The following PLCB2 variants were observed in gnomAD, a reference collection of about 807,000 sequenced individuals.
PLCB2 encodes the protein 1-phosphatidylinositol 4,5-bisphosphate phosphodiesterase beta-2.
In PLCB2, 115 loss-of-function variants were observed where a neutral mutation model predicts 141.7. That is an observed-to-expected ratio of 0.81 (90% confidence interval 0.70 to 0.95). The LOEUF is 0.95. Among genes scored for constraint, PLCB2 ranks in the 40% least tolerant of loss-of-function variants. The pLI is 0.00. For missense variants in PLCB2, 1,403 were observed against 1,541.1 expected (o/e 0.91, Z 1.50); for synonymous variants, 603 against 595.6 (o/e 1.01, Z -0.18).
At chr15:40,284,756 C>T (rs371044743), downstream of PLCB2, among the ~76,000 whole-genome samples, 1 of 133,860 alleles carries the variant, frequency 7.5e-6, no homozygotes, top group Non-Finnish European at 1.5e-5. Flanking sequence ...AGGAGAATTG[C>T]TTGAACCTGG....
rs2039804383 is a variant in PLCB2 at position 40,290,067 on chromosome 15, A to C, written c.3225T>G (p.Ile1075Met). Residue 1075 changes from isoleucine to methionine, a missense_variant, in exon 30 of 32, where the codon ATT becomes ATG. Ile to Met is a conservative substitution (Grantham distance 10, BLOSUM62 1). Transcript: ENST00000260402. ...CTACTTCCTGGATGTGGGAGTTGTT[A>C]ATCTCTCTCTTCAACCTGTTGGTGT... is the stretch of plus-strand genomic sequence containing the variant. The part of the protein sequence containing the change: ...KMAQERLKRE[I>M]NNSHIQEVVQ... 6.2e-7 allele frequency: 1 copy of C among 1,609,432 alleles called. No homozygotes were observed. The highest frequency in any genetic ancestry group is 1.3e-5 in the African/African-American group (1 of 74,558).
intron 7 of PLCB2, 90 bp downstream of exon 7, chr15:40,301,867 C>T: frequency 8.7e-7 from 1 of 1,152,446 alleles, no homozygotes; most frequent in Non-Finnish European, 1.3e-6. Context: ...GTGATGTCAC[C>T]TCTGCTCCCC....
chr15:40,291,715 C>T, intron 24 of PLCB2, 65 bp from the exon 25 acceptor site: 2 of 1,605,100 alleles, frequency 1.2e-6, no homozygotes, highest in Non-Finnish European at 1.7e-6. Flanking sequence ...TTCGCCTCCT[C>T]CACACCGCCC....
At chr15:40,286,095 A>C, downstream of PLCB2, 1 of 957,812 alleles carries the variant, frequency 1.0e-6, no homozygotes, top group South Asian at 4.8e-5. Flanking sequence ...AAGAAACAGC[A>C]AAGCTGAAAA....
At chr15:40,293,095 C>G (rs1205436854) in intron 20 of PLCB2, 70 bp from the exon 21 acceptor site, 2 of 916,728 alleles carry the variant, frequency 2.2e-6, no homozygotes, top group Non-Finnish European at 3.4e-6. Flanking sequence ...TCCCTGGCTC[C>G]AGAAGTCTCA....
chr15:40,301,234 C>G, intron 7 of PLCB2: 1 of 287,840 alleles, frequency 3.5e-6, no homozygotes, highest in South Asian at 6.0e-5. Context: ...TATAACGTTC[C>G]AAATTCTTAC....
intron 31 of PLCB2, 153 bp downstream of exon 31, chr15:40,289,119 G>C (rs2141023619): frequency 2.0e-6 from 2 of 1,001,254 alleles, no homozygotes; most frequent in South Asian, 3.2e-5. Flanking sequence ...GAGATCTGCA[G>C]AGCTGCCTCA....
At position 40,298,713 on chromosome 15, in the gene PLCB2, G is replaced by A; in HGVS notation, c.851-5C>T. ...TGCCTTCAGGTGACAGCTGGCCTGG[G>A]GGACAGGAGATAGCTGTCAGGCTAC... is the stretch of plus-strand genomic sequence containing the variant. On this transcript the variant is annotated splice_polypyrimidine_tract_variant and splice_region_variant and intron_variant, in intron 9 of 31. Transcript: ENST00000260402. 1 of 1,613,930 alleles carries A rather than the reference G, an allele frequency of 6.2e-7. No individual in the cohort carries two copies. The highest frequency in any genetic ancestry group is 1.1e-5 in the South Asian group (1 of 91,068).
rs1449112961 is a variant in PLCB2 at position 40,296,724 on chromosome 15, A to T, written c.1486+22T>A. The stretch of plus-strand genomic sequence containing the variant: ...GTTCCAGATGCTCCTAATACCCCCC[A>T]CCATAGTCCTCCCCGACTCACCTGT... On this transcript the variant is annotated intron_variant, in intron 14 of 31. Coordinates refer to ENST00000260402, the MANE Select transcript of PLCB2 (RefSeq NM_004573.3). 2.5e-6 allele frequency: 4 copies of T among 1,608,764 alleles called. No individual in the cohort carries two copies. The African/African-American group carries it at 5.4e-5, about 22-fold the overall frequency.
In PLCB2 at chr15:40,307,061, G is replaced by A. The variant is rs546058013; in HGVS notation, c.84+528C>T. On this transcript the variant is annotated intron_variant, in intron 1 of 31. Transcript: ENST00000260402. ...AGAAGTCAAATCAGCTCCTTCCCTGGGAGCAGAAGCCTCTAGTTCTCACTT... is the reference window on the plus strand; with the variant it reads ...AGAAGTCAAATCAGCTCCTTCCCTGAGAGCAGAAGCCTCTAGTTCTCACTT... Among the ~76,000 whole-genome samples the A allele has an allele frequency of 2.0e-5, 3 of 152,328 alleles. No homozygotes were observed. The East Asian group carries it at 5.8e-4, about 29-fold the overall frequency.
chr15:40,290,814 C>T lies in PLCB2; in HGVS notation c.3060G>A (p.Leu1020=). The T allele has an allele frequency of 6.2e-7, 1 of 1,613,144 alleles. No homozygotes were observed. Among genetic ancestry groups the T allele is most frequent in the South Asian group, 1.1e-5 (1 of 91,046 alleles). The change falls in exon 28 of 32, where the codon CTG becomes CTA. Residue 1020 remains leucine (L), a synonymous_variant. Coordinates refer to ENST00000260402, the MANE Select transcript of PLCB2 (RefSeq NM_004573.3). ...GCTCTGCCGCCTGTTTCTCTCTGGC[C>T]AGCTCCATCATTTTGGAGATTTGCT... ...VAEQISKMME[L]AREKQAAELK... is the part of the protein sequence containing the mutation.
chr15:40,298,131 TCTC>T, intron 11 of PLCB2, 89 bp downstream of exon 11: 1 of 1,384,206 alleles, frequency 7.2e-7, no homozygotes, highest in Non-Finnish European at 9.8e-7. Context: ...CCATTCATCT[TCTC>T]TAGCTTCAGC....
At chr15:40,298,416 C>T in intron 10 of PLCB2, 36 bp from the exon 11 acceptor site, 1 of 1,574,584 alleles carries the variant, frequency 6.4e-7, no homozygotes, top group South Asian at 1.2e-5. Flanking sequence ...GAGGGCATCA[C>T]CCAAAGGCAG....
rs267604173 is a variant in PLCB2 at position 40,290,763 on chromosome 15, C to T, written c.3111G>A (p.Glu1037=). The part of the protein sequence containing the change: ...AELKALKETS[E]NDTKEMKKKL... ...GTGTGGGAGGGAGGCAGTCGTACTT[C>T]TCCGACGTCTCCTTCAGGGCCTTCA... The change falls in exon 28 of 32, where the codon GAG becomes GAA. Residue 1037 remains glutamate (E), a splice_region_variant and synonymous_variant. Coordinates refer to ENST00000260402, the MANE Select transcript of PLCB2 (RefSeq NM_004573.3). 6.2e-7 allele frequency: 1 copy of T among 1,613,782 alleles called. No individual in the cohort carries two copies. Among genetic ancestry groups the T allele is most frequent in the Middle Eastern group, 1.6e-4 (1 of 6,062 alleles).
At chr15:40,289,018 C>G in intron 31 of PLCB2, 100 bp from the exon 32 acceptor site, 1 of 1,506,680 alleles carries the variant, frequency 6.6e-7, no homozygotes, top group Non-Finnish European at 8.8e-7. Context: ...TATCCATGTT[C>G]GGAGCTCCCA....
Position 40,297,100 on chromosome 15 carries a change from G to C in PLCB2, c.1324-192C>G, listed in dbSNP as rs1037653073. On this transcript the variant is annotated intron_variant, in intron 13 of 31. Coordinates refer to ENST00000260402, the MANE Select transcript of PLCB2 (RefSeq NM_004573.3). This position sits in a 1 kb window ranked among gnomAD's most constrained non-coding sequence, Gnocchi z 4.2. ...AGTAAATGCGGCTCATCTTGTGCTT[G>C]TTGTAGCTGTCCCTGAGTATGGGAC... Among the ~76,000 whole-genome samples the C allele has an allele frequency of 6.6e-6, 1 of 152,106 alleles. No individual in the cohort carries two copies. The highest frequency in any genetic ancestry group is 1.5e-5 in the Non-Finnish European group (1 of 68,006).
Position 40,291,902 on chromosome 15 carries a change from G to A in PLCB2, c.2549C>T (p.Pro850Leu). The stretch of plus-strand genomic sequence containing the variant: ...CGCCCCATTGACCTGGCTGGCAACT[G>A]GACTCGCCAGTGGGAAGGGCTTCTG... ...LPEKPFPLAS[P>L]VASQVNGALA... Residue 850 changes from proline to leucine, a missense_variant, in exon 24 of 32, where the codon CCA becomes CTA. By Grantham distance (98) the Pro-to-Leu change is moderately conservative. Coordinates refer to ENST00000260402, the MANE Select transcript of PLCB2 (RefSeq NM_004573.3). 1.2e-6 allele frequency: 2 copies of A among 1,614,140 alleles called. No homozygotes were observed. The highest frequency in any genetic ancestry group is 1.7e-6 in the Non-Finnish European group (2 of 1,180,024).
chr15:40,299,086 C>T (rs373503212), intron 8 of PLCB2, 42 bp downstream of exon 8: 56 of 1,573,236 alleles, frequency 3.6e-5, no homozygotes, highest in Non-Finnish European at 4.5e-5. Flanking sequence ...GATTGTTAGC[C>T]ACCACCCTTT....
chr15:40,288,620 C>T lies in PLCB2; in HGVS notation c.*95G>A. ...AGGCAGCCACAGGTTCCCACAGCCTCAGAAGGCTGGGGCTCCTTTTTCCTG... is the reference window on the plus strand; with the variant it reads ...AGGCAGCCACAGGTTCCCACAGCCTTAGAAGGCTGGGGCTCCTTTTTCCTG... On this transcript the variant is annotated 3_prime_UTR_variant, in exon 32 of 32. Transcript: ENST00000260402. The T allele has an allele frequency of 7.0e-7, 1 of 1,429,844 alleles. No homozygotes were observed. Among genetic ancestry groups the T allele is most frequent in the Non-Finnish European group, 9.2e-7 (1 of 1,092,116 alleles). The allele number at this position is 1,429,844 out of a possible 1,614,324, so 88.6% of individuals were successfully genotyped here. A position where few individuals can be genotyped will look rare whatever the true frequency, so the allele number is the denominator to read the frequency against.
Sources: gnomAD v4.1 joint callset for allele counts (sites outside exome capture counted in the v4.1 genomes callset) on GRCh38, gnomAD v4.1.1 for gene constraint, Gnocchi (gnomAD v3.1) non-coding constraint, MANE v1.5 for transcripts, NCBI Gene and HGNC (gene_info 2026-07-23, HGNC 2026-07-21) for gene names.